The following CDC42BPA variants were observed in gnomAD, a reference collection of about 807,000 sequenced individuals.
CDC42BPA encodes the protein CDC42 binding protein kinase alpha.
CDC42BPA carries 80 observed loss-of-function variants against 223.5 expected under a neutral mutation model. That is an observed-to-expected ratio of 0.36 (90% CI 0.30 to 0.43). The LOEUF is 0.43. Among genes scored for constraint, CDC42BPA ranks in the 20% least tolerant of loss-of-function variants. The pLI, the probability that CDC42BPA is intolerant of heterozygous loss-of-function variation, is 1.00. For missense variants in CDC42BPA, 1,743 were observed against 2,099.9 expected (o/e 0.83, Z 3.32); for synonymous variants, 694 against 718.6 (o/e 0.97, Z 0.55).
chr1:227,092,364 T>C (rs774848703), intron 15 of CDC42BPA, among the ~76,000 whole-genome samples: 6 of 152,214 alleles, frequency 3.9e-5, no homozygotes, highest in Non-Finnish European at 7.3e-5. Flanking sequence ...AAATTGTATA[T>C]ATATGGCAAT....
intron 31 of CDC42BPA, among the ~76,000 whole-genome samples, chr1:227,023,919 G>A (rs567087787): frequency 6.6e-6 from 1 of 152,240 alleles, no homozygotes; most frequent in South Asian, 2.1e-4. Context: ...AGAATAGAAT[G>A]TATCTTATGA....
chr1:227,036,423 T>A (rs1322340396), intron 24 of CDC42BPA, among the ~76,000 whole-genome samples: 2 of 13,240 alleles, frequency 1.5e-4, no homozygotes, highest in African/African-American at 2.8e-4. Flanking sequence ...TCAATTCACT[T>A]TTTTTTTTTT....
chr1:227,258,397 T>TGA, intron 1 of CDC42BPA, among the ~76,000 whole-genome samples: 1 of 151,002 alleles, frequency 6.6e-6, no homozygotes, highest in Non-Finnish European at 1.5e-5. Flanking sequence ...AAATTATACC[T>TGA]ATTGACTATT....
At chr1:227,285,191 G>T (rs1181111711) in intron 1 of CDC42BPA, among the ~76,000 whole-genome samples, 1 of 152,146 alleles carries the variant, frequency 6.6e-6, no homozygotes, top group Admixed American at 6.6e-5. Context: ...ACATTAAATG[G>T]TCTGGAACTA....
chr1:227,261,458 A>G (rs1684056427), intron 1 of CDC42BPA, among the ~76,000 whole-genome samples: 1 of 150,680 alleles, frequency 6.6e-6, no homozygotes, highest in South Asian at 2.1e-4. Flanking sequence ...CCTTGTGCAT[A>G]TATGGGCTTG....
At chr1:227,223,350 G>T (rs987848670) in intron 2 of CDC42BPA, among the ~76,000 whole-genome samples, 2 of 152,116 alleles carry the variant, frequency 1.3e-5, no homozygotes, top group African/African-American at 4.8e-5. Context: ...AGCAAGAAAT[G>T]GTGCTGAAGG....
intron 11 of CDC42BPA, among the ~76,000 whole-genome samples, chr1:227,123,663 C>T (rs967321804): frequency 5.3e-5 from 8 of 152,194 alleles, no homozygotes; most frequent in Non-Finnish European, 1.2e-4. Context: ...GGAGTTAAGA[C>T]TAGACCCAGT....
chr1:227,060,418 G>A lies in CDC42BPA; in HGVS notation c.2905-8433C>T, dbSNP rs16846901. Among the ~76,000 whole-genome samples, 414 of 152,230 alleles carry A rather than the reference G, an allele frequency of 2.7e-3. 12 individuals are homozygous for A. In the East Asian group the frequency reaches 0.051, roughly 19 times the overall value. On this transcript the variant is annotated intron_variant, in intron 21 of 36. Transcript: ENST00000366766. ...GAGCTCACAATACGTTGGATACTAA[G>A]CCGACTTTGCAAGGGATTGAAAGAT...
intron 35 of CDC42BPA, among the ~76,000 whole-genome samples, chr1:227,001,862 G>C (rs1407195040): frequency 6.6e-6 from 1 of 152,022 alleles, no homozygotes; most frequent in South Asian, 2.1e-4. Context: ...AGCCAAGATC[G>C]TGCCACTGCA....
chr1:227,258,143 C>G (rs1451429249), intron 1 of CDC42BPA, among the ~76,000 whole-genome samples: 2 of 147,758 alleles, frequency 1.4e-5, no homozygotes, highest in Admixed American at 6.7e-5. Context: ...CCACTACACT[C>G]CAGCCTGGGC....
At chr1:227,037,597 T>C (rs1036532608) in intron 24 of CDC42BPA, among the ~76,000 whole-genome samples, 6 of 152,218 alleles carry the variant, frequency 3.9e-5, no homozygotes, top group Admixed American at 1.3e-4. Flanking sequence ...AAGTCTATTA[T>C]AAAGGAAACA....
chr1:227,296,910 G>A (rs544713101), intron 1 of CDC42BPA, among the ~76,000 whole-genome samples: 13 of 152,030 alleles, frequency 8.6e-5, no homozygotes, highest in Admixed American at 8.5e-4. Context: ...CAGAATGGGA[G>A]AAAATATGTG....
chr1:227,025,644 T>C (rs1423255564), intron 31 of CDC42BPA, among the ~76,000 whole-genome samples: 1 of 152,176 alleles, frequency 6.6e-6, no homozygotes, highest in Non-Finnish European at 1.5e-5. Context: ...ACAGTTTTGG[T>C]TCTAAGTTTA....
Position 226,994,651 on chromosome 1 carries a change from C to A in CDC42BPA, c.5133+172G>T, listed in dbSNP as rs1323076107. 6.6e-6 allele frequency among the ~76,000 whole-genome samples: 1 copy of A among 152,206 alleles called. No homozygotes were observed. The highest frequency in any genetic ancestry group is 1.5e-5 in the Non-Finnish European group (1 of 68,034). On this transcript the variant is annotated intron_variant, in intron 36 of 36. Coordinates refer to ENST00000366766, the MANE Select transcript of CDC42BPA (RefSeq NM_001394014.1). The surrounding 1 kb of genome is among the most constrained non-coding windows in gnomAD (Gnocchi z 4.0). ...AGAAGTCTGAATGCCTCTGGGAAAACTGCAGTTTGCAGCCCGAGTGACTGG... is the reference window on the plus strand; with the variant it reads ...AGAAGTCTGAATGCCTCTGGGAAAAATGCAGTTTGCAGCCCGAGTGACTGG...
intron 35 of CDC42BPA, among the ~76,000 whole-genome samples, chr1:227,003,153 C>G (rs574415977): frequency 6.6e-6 from 1 of 152,234 alleles, no homozygotes; most frequent in East Asian, 1.9e-4. Context: ...GGAGGAAACT[C>G]AATCTGCATC....
At chr1:227,120,047 T>C in intron 11 of CDC42BPA, 110 bp from the exon 12 acceptor site, 1 of 746,510 alleles carries the variant, frequency 1.3e-6, no homozygotes, top group Non-Finnish European at 2.1e-6. Context: ...AATTTAGTGT[T>C]AGATCTGACA....
At chr1:227,120,011 A>G in intron 11 of CDC42BPA, 74 bp from the exon 12 acceptor site, 2 of 1,252,414 alleles carry the variant, frequency 1.6e-6, no homozygotes, top group Non-Finnish European at 2.2e-6. Flanking sequence ...AAAACAACTA[A>G]AATTTTTTTT....
intron 6 of CDC42BPA, among the ~76,000 whole-genome samples, chr1:227,151,222 T>A (rs185163340): frequency 6.6e-6 from 1 of 152,208 alleles, no homozygotes; most frequent in African/African-American, 2.4e-5. Context: ...TTGATTACTA[T>A]AGTTATCTCA....
At chr1:227,070,329 T>C (rs1678014050) in intron 20 of CDC42BPA, among the ~76,000 whole-genome samples, 1 of 151,768 alleles carries the variant, frequency 6.6e-6, no homozygotes, top group Non-Finnish European at 1.5e-5. Context: ...AAACTGCCAA[T>C]CTGATTTCAG....
Sources: gnomAD v4.1 joint callset for allele counts (sites outside exome capture counted in the v4.1 genomes callset) on GRCh38, gnomAD v4.1.1 for gene constraint, Gnocchi (gnomAD v3.1) non-coding constraint, MANE v1.5 for transcripts, NCBI Gene and HGNC (gene_info 2026-07-23, HGNC 2026-07-21) for gene names.